The following SEC23A variants were observed in gnomAD, a reference collection of about 807,000 sequenced individuals.
SEC23A encodes the protein SEC23 homolog A, COPII component.
SEC23A carries 56 observed loss-of-function variants against 103.7 expected under a neutral mutation model. The observed-to-expected ratio is 0.54, with a 90% CI of 0.44 to 0.67. SEC23A has a LOEUF of 0.67. SEC23A is among the 30% of genes least tolerant of loss of function. The pLI is 0.00. For missense variants in SEC23A, 784 were observed against 936.4 expected (o/e 0.84, Z 2.12); for synonymous variants, 281 against 293.0 (o/e 0.96, Z 0.42).
intron 19 of SEC23A, 49 bp downstream of exon 19, chr14:39,038,975 TAATAAAC>T: frequency 6.9e-7 from 1 of 1,441,336 alleles, no homozygotes; most frequent in Non-Finnish European, 9.8e-7. Context: ...TTCACTAAAA[TAATAAAC>T]AATAAATACA....
intron 12 of SEC23A, among the ~76,000 whole-genome samples, chr14:39,063,102 T>C (rs903273338): frequency 3.3e-5 from 5 of 152,198 alleles, no homozygotes; most frequent in Admixed American, 6.5e-5. Context: ...TACCCAAGGT[T>C]TGGCGTTTGT....
intron 16 of SEC23A, among the ~76,000 whole-genome samples, chr14:39,044,813 T>C (rs1885774209): frequency 6.6e-6 from 1 of 152,194 alleles, no homozygotes; most frequent in Non-Finnish European, 1.5e-5. Context: ...TGGAATAAGC[T>C]ACAGTCTACA....
intron 5 of SEC23A, among the ~76,000 whole-genome samples, chr14:39,089,524 T>A (rs1019654280): frequency 8.5e-5 from 13 of 152,300 alleles, no homozygotes; most frequent in African/African-American, 2.9e-4. Flanking sequence ...CTGACTTTCC[T>A]CATCTCACTC....
rs1251963398 is a variant in SEC23A at position 39,033,222 on chromosome 14, TTAA to T, written c.*14_*16del. On this transcript the variant is annotated 3_prime_UTR_variant, in exon 20 of 20. Coordinates refer to ENST00000307712, the MANE Select transcript of SEC23A (RefSeq NM_006364.4). ...TATTATTTCATCTTCTTAAGTGTCTTTAACATTATTAGCACTTCAAGCAGCACT... is the reference window on the plus strand; with the variant it reads ...TATTATTTCATCTTCTTAAGTGTCTTCATTATTAGCACTTCAAGCAGCACT... 1 of 1,562,900 alleles carries T rather than the reference TTAA, an allele frequency of 6.4e-7. No homozygotes were observed. Among genetic ancestry groups the T allele is most frequent in the African/African-American group, 1.4e-5 (1 of 73,918 alleles).
At chr14:39,045,019 G>A (rs1038350837) in intron 16 of SEC23A, 144 bp downstream of exon 16, 57 of 714,222 alleles carry the variant, frequency 8.0e-5, no homozygotes, top group Middle Eastern at 2.5e-4. Context: ...TATTTTAAGC[G>A]AATACATTAA....
intron 14 of SEC23A, among the ~76,000 whole-genome samples, chr14:39,050,456 C>G (rs146670070): frequency 1.4e-4 from 22 of 152,258 alleles, no homozygotes; most frequent in Non-Finnish European, 2.9e-4. Flanking sequence ...ATTGGTGCAG[C>G]AAGAGAAAAC....
At chr14:39,089,095 A>G (rs1437403356) in intron 5 of SEC23A, among the ~76,000 whole-genome samples, 1 of 150,146 alleles carries the variant, frequency 6.7e-6, no homozygotes, top group East Asian at 2.0e-4. Flanking sequence ...AATCGCTCGA[A>G]CTAAGGAGGC....
At position 39,079,502 on chromosome 14, in the gene SEC23A, T is replaced by C. The variant is rs529254662; in HGVS notation, c.829-3409A>G. Among the ~76,000 whole-genome samples, 31 of 152,224 alleles carry C rather than the reference T, an allele frequency of 2.0e-4. 1 individual carries two copies. The South Asian group carries it at 5.8e-3, about 28-fold the overall frequency. ...CAGCTTCAGAACAGAATGTAAACGATATAAACTTCATGATAATTTTTAAAG... is the reference window on the plus strand; with the variant it reads ...CAGCTTCAGAACAGAATGTAAACGACATAAACTTCATGATAATTTTTAAAG... On this transcript the variant is annotated intron_variant, in intron 7 of 19. Transcript: ENST00000307712.
At chr14:39,052,327 TA>T (rs1307126911) in intron 14 of SEC23A, among the ~76,000 whole-genome samples, 9 of 151,440 alleles carry the variant, frequency 5.9e-5, no homozygotes, top group African/African-American at 2.2e-4. Context: ...AAAAAAAAAT[TA>T]AAAAACAATC....
intron 9 of SEC23A, among the ~76,000 whole-genome samples, chr14:39,072,396 A>G (rs1213022236): frequency 2.6e-5 from 4 of 152,234 alleles, no homozygotes; most frequent in African/African-American, 7.2e-5. Context: ...CATTTCTCCA[A>G]AGATATACAC....
intron 7 of SEC23A, among the ~76,000 whole-genome samples, chr14:39,078,142 C>G (rs890403743): frequency 2.0e-5 from 3 of 151,818 alleles, no homozygotes; most frequent in Non-Finnish European, 2.9e-5. Context: ...ATAGTCCCAG[C>G]TTCTCAGGAG....
At chr14:39,083,294 C>A (rs1306642715) in intron 7 of SEC23A, among the ~76,000 whole-genome samples, 1 of 152,098 alleles carries the variant, frequency 6.6e-6, no homozygotes, top group Non-Finnish European at 1.5e-5. Context: ...TATCTGATTG[C>A]TCCTTCGGAA....
In SEC23A at chr14:39,059,278, T is replaced by TAAAAAAAAAAA. The variant is rs750853379; in HGVS notation, c.1505+2476_1505+2486dup. Among the ~76,000 whole-genome samples the TAAAAAAAAAAA allele has an allele frequency of 2.1e-3, 154 of 71,812 alleles. 11 individuals are homozygous for TAAAAAAAAAAA. The highest frequency in any genetic ancestry group is 2.6e-3 in the African/African-American group (50 of 19,494). 47.1% of individuals were successfully genotyped at this position (71,812 alleles called of 152,430 possible). A position where few individuals can be genotyped will look rare whatever the true frequency, so the allele number is the denominator to read the frequency against. Reference sequence around the variant, plus strand: ...GGCCCCTAAAGTCATAGTCCTAGTTTAAAAAAAAAAAAAAAAAAAAAAAAA... The same window carrying TAAAAAAAAAAA: ...GGCCCCTAAAGTCATAGTCCTAGTTTAAAAAAAAAAAAAAAAAAAAAAAAAAAAAAAAAAAA... On this transcript the variant is annotated intron_variant, in intron 13 of 19. Transcript: ENST00000307712.
chr14:39,054,542 C>T (rs1290462544), intron 14 of SEC23A, among the ~76,000 whole-genome samples: 1 of 152,082 alleles, frequency 6.6e-6, no homozygotes, highest in African/African-American at 2.4e-5. Context: ...ACAATCACAG[C>T]TCACTGCAGC....
chr14:39,038,964 T>C (rs1472097624), intron 19 of SEC23A, 67 bp downstream of exon 19: 2 of 1,361,124 alleles, frequency 1.5e-6, no homozygotes, highest in Non-Finnish European at 2.1e-6. Context: ...AAAATGTAGC[T>C]TTCACTAAAA....
chr14:39,067,501 G>C (rs917177105), intron 9 of SEC23A, among the ~76,000 whole-genome samples: 12 of 148,938 alleles, frequency 8.1e-5, no homozygotes, highest in African/African-American at 3.0e-4. Context: ...AGGTAACAGA[G>C]TACCCCTAAC....
chr14:39,087,911 A>G (rs1887499132), intron 5 of SEC23A: 1 of 152,232 alleles, frequency 6.6e-6, no homozygotes, highest in African/African-American at 2.4e-5. Context: ...TTATAAATGA[A>G]AATTGACAAT....
chr14:39,048,512 GCTGA>G, intron 15 of SEC23A, 136 bp downstream of exon 15: 1 of 636,702 alleles, frequency 1.6e-6, no homozygotes, highest in Non-Finnish European at 2.8e-6. Flanking sequence ...TACTCAGGAG[GCTGA>G]CTAAGCCCCG....
At chr14:39,048,830 A>G in intron 14 of SEC23A, 101 bp from the exon 15 acceptor site, 1 of 685,528 alleles carries the variant, frequency 1.5e-6, no homozygotes, top group Non-Finnish European at 2.6e-6. Flanking sequence ...ATCATCAGGA[A>G]GCAGATACTT....
Sources: gnomAD v4.1 joint callset for allele counts (sites outside exome capture counted in the v4.1 genomes callset) on GRCh38, gnomAD v4.1.1 for gene constraint, MANE v1.5 for transcripts, NCBI Gene and HGNC (gene_info 2026-07-23, HGNC 2026-07-21) for gene names.